FAM227B: variants seen among roughly 807,000 people sequenced by gnomAD.
FAM227B encodes the protein protein FAM227B.
A neutral mutation model predicts 73.8 loss-of-function variants in FAM227B; 88 were observed. The observed-to-expected ratio is 1.19, with a 90% CI of 1.00 to 1.42. The LOEUF (loss-of-function observed/expected upper bound fraction) is 1.42. Among genes scored for constraint, FAM227B ranks in the 40% most tolerant of loss-of-function variants. The probability of loss-of-function intolerance (pLI) is 0.00; values close to 1 mark genes in which losing one functional copy is unlikely to be tolerated. For missense variants in FAM227B, 632 were observed against 590.9 expected (o/e 1.07, Z -0.72); for synonymous variants, 210 against 190.5 (o/e 1.10, Z -0.84).
intron 5 of FAM227B, among the ~76,000 whole-genome samples, chr15:49,580,763 G>A (rs973590626): frequency 1.3e-5 from 2 of 152,180 alleles, no homozygotes; most frequent in Non-Finnish European, 2.9e-5. Context: ...GGAGCTGAAA[G>A]TTGAAATGAT....
At chr15:49,447,628 T>A (rs1343203613) in intron 11 of FAM227B, among the ~76,000 whole-genome samples, 1 of 151,712 alleles carries the variant, frequency 6.6e-6, no homozygotes, top group African/African-American at 2.4e-5. Flanking sequence ...GGTAAATTTA[T>A]GCAAATTGAT....
intron 11 of FAM227B, among the ~76,000 whole-genome samples, chr15:49,405,416 A>G (rs2048447437): frequency 6.6e-6 from 1 of 152,184 alleles, no homozygotes; most frequent in African/African-American, 2.4e-5. Context: ...GTTTCTTTAA[A>G]TAATCCCATA....
At chr15:49,620,005 CTTTTT>C (rs1174403382) in intron 1 of FAM227B, 1 of 151,958 alleles carries the variant, frequency 6.6e-6, no homozygotes, top group Admixed American at 6.6e-5. Flanking sequence ...TATATTGTTT[CTTTTT>C]TTTAAGTTTA....
intron 11 of FAM227B, chr15:49,424,570 G>A (rs1453185788): frequency 6.3e-7 from 1 of 1,580,278 alleles, no homozygotes; most frequent in Non-Finnish European, 8.6e-7. Context: ...CCCAAGAGAT[G>A]AAGAATAATT....
intron 11 of FAM227B, among the ~76,000 whole-genome samples, chr15:49,441,314 C>T (rs991606910): frequency 6.6e-6 from 1 of 151,718 alleles, no homozygotes; most frequent in African/African-American, 2.4e-5. Context: ...GTGTTATAGG[C>T]TCATTAGGGG....
In FAM227B at chr15:49,327,907, T is replaced by C. The variant is rs1345029637; in HGVS notation, c.*661A>G. On this transcript the variant is annotated 3_prime_UTR_variant, in exon 16 of 16. Coordinates refer to ENST00000299338, the MANE Select transcript of FAM227B (RefSeq NM_152647.3). ...CTACAAACACCAAGCAAATCCCTTGTATTTTCATTTATAGGTTCTAATATT... is the reference window on the plus strand; with the variant it reads ...CTACAAACACCAAGCAAATCCCTTGCATTTTCATTTATAGGTTCTAATATT... 7 of 1,565,728 alleles carry C rather than the reference T, an allele frequency of 4.5e-6. No individual in the cohort carries two copies. The highest frequency in any genetic ancestry group is 6.1e-6 in the Non-Finnish European group (7 of 1,149,310).
At chr15:49,331,323 A>G (rs1017009762) in intron 15 of FAM227B, 6 of 154,040 alleles carry the variant, frequency 3.9e-5, no homozygotes, top group African/African-American at 1.2e-4. Context: ...AAGGAAAATC[A>G]GAAAGATGGA....
At chr15:49,557,231 T>G (rs1163746799) in intron 9 of FAM227B, among the ~76,000 whole-genome samples, 1 of 152,166 alleles carries the variant, frequency 6.6e-6, no homozygotes, top group African/African-American at 2.4e-5. Flanking sequence ...ATTTACTTTA[T>G]GAAATATATA....
intron 13 of FAM227B, among the ~76,000 whole-genome samples, chr15:49,336,694 T>C (rs1310906729): frequency 6.6e-6 from 1 of 152,252 alleles, no homozygotes; most frequent in East Asian, 1.9e-4. Flanking sequence ...TGGTAAGTAC[T>C]TTCTAAAAAA....
intron 11 of FAM227B, among the ~76,000 whole-genome samples, chr15:49,419,981 A>G (rs1055330891): frequency 5.9e-5 from 9 of 152,164 alleles, no homozygotes; most frequent in African/African-American, 1.9e-4. Flanking sequence ...TGCAAAGGAT[A>G]ACTACAATTT....
At chr15:49,389,864 T>C (rs74012342) in intron 11 of FAM227B, among the ~76,000 whole-genome samples, 2,641 of 152,078 alleles carry the variant, frequency 0.017, 97 homozygotes, top group African/African-American at 0.061. Flanking sequence ...GGTAGAACCA[T>C]TTTTACCAGC....
intron 1 of FAM227B, among the ~76,000 whole-genome samples, chr15:49,618,764 A>G (rs1250944394): frequency 6.6e-6 from 1 of 152,234 alleles, no homozygotes; most frequent in Non-Finnish European, 1.5e-5. Context: ...CTGCAATGTA[A>G]GTATATTTAG....
chr15:49,419,892 T>C (rs2049480121), intron 11 of FAM227B, among the ~76,000 whole-genome samples: 1 of 152,214 alleles, frequency 6.6e-6, no homozygotes, highest in African/African-American at 2.4e-5. Flanking sequence ...TGCCACTTAT[T>C]ATAGATACTC....
chr15:49,566,418 T>C (rs1014755650), intron 9 of FAM227B, among the ~76,000 whole-genome samples: 1 of 152,218 alleles, frequency 6.6e-6, no homozygotes, highest in Non-Finnish European at 1.5e-5. Context: ...GGAGATTAAG[T>C]GTCAAACTAT....
intron 11 of FAM227B, among the ~76,000 whole-genome samples, chr15:49,413,054 G>A (rs2048972444): frequency 1.3e-5 from 2 of 151,918 alleles, no homozygotes; most frequent in African/African-American, 4.8e-5. Context: ...TACAAATATT[G>A]GACATCTGGA....
At chr15:49,365,439 T>C (rs2044980505) in intron 13 of FAM227B, 8 of 923,702 alleles carry the variant, frequency 8.7e-6, no homozygotes, top group Non-Finnish European at 1.4e-5. Context: ...AACAGGCCTG[T>C]ACAATAATGT....
intron 13 of FAM227B, chr15:49,365,229 T>C (rs2044928741): frequency 1.9e-6 from 2 of 1,034,920 alleles, no homozygotes; most frequent in Non-Finnish European, 3.1e-6. Context: ...AACTTTTTCA[T>C]TTCCTTACAT....
At chr15:49,587,161 C>G (rs1011574164) in intron 5 of FAM227B, among the ~76,000 whole-genome samples, 1 of 152,172 alleles carries the variant, frequency 6.6e-6, no homozygotes, top group South Asian at 2.1e-4. Context: ...TAAGAAACAA[C>G]AAGATCATGT....
chr15:49,461,631 C>G (rs2053808852), intron 11 of FAM227B, among the ~76,000 whole-genome samples: 1 of 152,158 alleles, frequency 6.6e-6, no homozygotes, highest in Non-Finnish European at 1.5e-5. Context: ...AAGTTGTACA[C>G]TATGTATTCA....
Sources: gnomAD v4.1 joint callset for allele counts (sites outside exome capture counted in the v4.1 genomes callset) on GRCh38, gnomAD v4.1.1 for gene constraint, MANE v1.5 for transcripts, NCBI Gene and HGNC (gene_info 2026-07-23, HGNC 2026-07-21) for gene names.